The following ZNF283 variants were observed in gnomAD, a reference collection of about 807,000 sequenced individuals.
ZNF283 encodes zinc finger protein 41.
A neutral mutation model predicts 9.2 loss-of-function variants in ZNF283; 10 were observed. That is an observed-to-expected ratio of 1.09 (90% CI 0.67 to 1.85). The LOEUF is 1.85. Among genes scored for constraint, ZNF283 ranks in the 40% most tolerant of loss-of-function variants. ZNF283 has a pLI of 0.00. For synonymous variants in ZNF283, 234 were observed against 244.1 expected, an observed-to-expected ratio of 0.96 and a Z score of 0.38; for missense variants, 631 against 760.1, an observed-to-expected ratio of 0.83 and a Z score of 2.00.
At chr19:43,834,658 C>T (rs780676981) in intron 4 of ZNF283, among the ~76,000 whole-genome samples, 14 of 151,972 alleles carry the variant, frequency 9.2e-5, no homozygotes, top group Admixed American at 2.0e-4. Flanking sequence ...TGCAGCAGCG[C>T]GATCTCGGCT....
chr19:43,829,171 G>A (rs1970594540), intron 2 of ZNF283, among the ~76,000 whole-genome samples: 1 of 152,142 alleles, frequency 6.6e-6, no homozygotes, highest in South Asian at 2.1e-4. Flanking sequence ...GGATCATGAA[G>A]TCAGGAGATC....
intron 6 of ZNF283, among the ~76,000 whole-genome samples, chr19:43,838,290 C>G (rs62118368): frequency 0.37 from 55,595 of 151,928 alleles, 10,582 homozygotes; most frequent in South Asian, 0.55. Context: ...CCCTTTTTCC[C>G]TTCCACAACT....
rs757244444 is a variant in ZNF283 at position 43,850,466 on chromosome 19, C to T, written c.*1825C>T. 4.8e-4 allele frequency: 72 copies of T among 149,614 alleles called. 2 individuals are homozygous for T. Among genetic ancestry groups the T allele is most frequent in the Non-Finnish European group, 3.1e-4 (21 of 67,660 alleles). 9.3% of individuals were successfully genotyped at this position (149,614 alleles called of 1,614,324 possible). On this transcript the variant is annotated 3_prime_UTR_variant, in exon 7 of 7. Transcript: ENST00000618787. Reference sequence around the variant, plus strand: ...CTTTTTTTTTTTTTTGGGACAGGATCTCTCTTTCTGTCACCAAGGCTGGAG... The same window carrying T: ...CTTTTTTTTTTTTTTGGGACAGGATTTCTCTTTCTGTCACCAAGGCTGGAG...
At position 43,847,755 on chromosome 19, in the gene ZNF283, G is replaced by T; in HGVS notation, c.1154G>T (p.Cys385Phe). 6.2e-7 allele frequency: 1 copy of T among 1,613,504 alleles called. No individual in the cohort carries two copies. The highest frequency in any genetic ancestry group is 8.5e-7 in the Non-Finnish European group (1 of 1,179,806). Residue 385 changes from cysteine to phenylalanine, a missense_variant, in exon 7 of 7, where the codon TGT becomes TTT. By Grantham distance (205) the Cys-to-Phe change is radical. Coordinates refer to ENST00000618787, the MANE Select transcript of ZNF283 (RefSeq NM_181845.2). ...TGTAAAATATGTGGAAAGGCTTTTT[G>T]TTGGGGCTATCAACTTACTCGACAT... ...YECKICGKAF[C>F]WGYQLTRHQI...
At chr19:43,839,959 T>C (rs1971133379) in intron 6 of ZNF283, among the ~76,000 whole-genome samples, 1 of 152,182 alleles carries the variant, frequency 6.6e-6, no homozygotes, top group African/African-American at 2.4e-5. Context: ...CCCCATATTT[T>C]CCTGTTTCAC....
intron 6 of ZNF283, among the ~76,000 whole-genome samples, 200 bp from the exon 7 acceptor site, chr19:43,846,739 C>A (rs1971413578): frequency 6.6e-6 from 1 of 152,098 alleles, no homozygotes; most frequent in Non-Finnish European, 1.5e-5. Flanking sequence ...TGGAATCCTC[C>A]AGAAAACTAT....
chr19:43,835,398 G>A, intron 4 of ZNF283, 107 bp from the exon 5 acceptor site: 1 of 731,032 alleles, frequency 1.4e-6, no homozygotes, highest in Admixed American at 2.1e-5. Context: ...TGGTGCGTGG[G>A]GTGTGTAGCA....
chr19:43,844,622 T>C (rs773590417), intron 6 of ZNF283, among the ~76,000 whole-genome samples: 1 of 152,228 alleles, frequency 6.6e-6, no homozygotes, highest in Non-Finnish European at 1.5e-5. Flanking sequence ...AGTTTAGACC[T>C]GTGACCAACT....
Position 43,847,284 on chromosome 19 carries a change from C to T in ZNF283, c.683C>T (p.Thr228Ile). 5 of 1,611,192 alleles carry T rather than the reference C, an allele frequency of 3.1e-6. No homozygotes were observed. The highest frequency in any genetic ancestry group is 4.2e-6 in the Non-Finnish European group (5 of 1,178,892). The change falls in exon 7 of 7, where the codon ACT becomes ATT. Residue 228 changes from threonine (T) to isoleucine (I), a missense_variant. Physicochemically the swap from Thr to Ile is moderately conservative, Grantham distance 89 (BLOSUM62 -1). Around this residue, in one of 3 missense-constraint regions of ZNF283, gnomAD observed 184 missense variants for 220.0 expected, o/e 0.84. Transcript: ENST00000618787. Reference protein sequence around the residue: ...HGSKLVQHERTHTAEKHFECK... With the variant: ...HGSKLVQHERIHTAEKHFECK... ...TCAAAACTTGTTCAACATGAGAGAA[C>T]TCATACAGCTGAAAAACACTTTGAA...
rs201560248 is a variant in ZNF283 at position 43,847,146 on chromosome 19, A to G, written c.545A>G (p.Tyr182Cys). The G allele has an allele frequency of 2.5e-4, 396 of 1,613,570 alleles. 1 individual carries two copies. Among genetic ancestry groups the G allele is most frequent in the Non-Finnish European group, 3.3e-4 (384 of 1,179,666 alleles). The stretch of plus-strand genomic sequence containing the variant: ...TACTTCAGTCAAATGATAATCAGCT[A>G]TGAAAAAATACCTTCTTACAGAAAA... The part of the protein sequence containing the change: ...EGYFSQMIIS[Y>C]EKIPSYRKSK... Residue 182 changes from tyrosine to cysteine, a missense_variant, in exon 7 of 7, where the codon TAT becomes TGT. Tyr to Cys is a radical substitution (Grantham distance 194). This residue lies in a region of ZNF283 where 184 missense variants were observed against 220.0 expected (regional missense o/e 0.84). Transcript: ENST00000618787.
At chr19:43,840,025 G>C (rs1173054967) in intron 6 of ZNF283, among the ~76,000 whole-genome samples, 1 of 151,988 alleles carries the variant, frequency 6.6e-6, no homozygotes, top group Non-Finnish European at 1.5e-5. Flanking sequence ...TTATAATGTG[G>C]TACCTCTGGA....
At chr19:43,843,419 T>C (rs1477557308) in intron 6 of ZNF283, among the ~76,000 whole-genome samples, 1 of 152,222 alleles carries the variant, frequency 6.6e-6, no homozygotes, top group Non-Finnish European at 1.5e-5. Flanking sequence ...TGAAAAACTT[T>C]GTTTGTTCAG....
intron 3 of ZNF283, among the ~76,000 whole-genome samples, chr19:43,832,825 G>C (rs1418207764): frequency 6.6e-6 from 1 of 151,960 alleles, no homozygotes; most frequent in Non-Finnish European, 1.5e-5. Context: ...AGACCAGCCT[G>C]GACAACACAG....
At position 43,847,866 on chromosome 19, in the gene ZNF283, A is replaced by G; in HGVS notation, c.1265A>G (p.Glu422Gly). Residue 422 changes from glutamate (E) to glycine (G), a missense_variant, in exon 7 of 7, where the codon GAA (glutamate) becomes GGA (glycine). By Grantham distance (98) the Glu-to-Gly change is moderately conservative. Transcript: ENST00000618787. Reference protein sequence around the residue: ...FNCGSSLIQHERIHTGEKPYE... With the variant: ...FNCGSSLIQHGRIHTGEKPYE... The stretch of plus-strand genomic sequence containing the variant: ...TGCGGATCAAGTCTTATTCAACATG[A>G]AAGAATTCATACTGGTGAGAAACCT... 2 of 1,613,476 alleles carry G rather than the reference A, an allele frequency of 1.2e-6. No individual in the cohort carries two copies. Among genetic ancestry groups the G allele is most frequent in the Non-Finnish European group, 1.7e-6 (2 of 1,179,870 alleles).
chr19:43,835,540 A>G lies in ZNF283; in HGVS notation c.158A>G (p.Glu53Gly). 6.2e-7 allele frequency: 1 copy of G among 1,611,662 alleles called. No homozygotes were observed. Among genetic ancestry groups the G allele is most frequent in the Non-Finnish European group, 8.5e-7 (1 of 1,178,860 alleles). Residue 53 changes from glutamate (E) to glycine (G), a missense_variant, in exon 5 of 7, where the codon GAG (glutamate) becomes GGG (glycine). Glu to Gly is a moderately conservative substitution (Grantham distance 98). Around this residue, in one of 3 missense-constraint regions of ZNF283, gnomAD observed 184 missense variants for 220.0 expected, o/e 0.84. Transcript: ENST00000618787. ...TCTGGATTCTGTGCTTCACCAATAG[A>G]GGAATCCCATGGAGCATTAATTAGT... is the stretch of plus-strand genomic sequence containing the variant. Reference protein sequence around the residue: ...GFSGFCASPIEESHGALISSC... With the variant: ...GFSGFCASPIGESHGALISSC...
intron 5 of ZNF283, among the ~76,000 whole-genome samples, chr19:43,836,064 A>G (rs187366905): frequency 6.6e-6 from 1 of 152,202 alleles, no homozygotes; most frequent in Non-Finnish European, 1.5e-5. Context: ...GATGATGCCT[A>G]AGGTCTAGAT....
chr19:43,833,428 T>C, intron 3 of ZNF283, 77 bp from the exon 4 acceptor site: 1 of 204,894 alleles, frequency 4.9e-6, no homozygotes, highest in Non-Finnish European at 1.0e-5. Flanking sequence ...GAAATTATTT[T>C]TGGTTGAGTA....
intron 2 of ZNF283, among the ~76,000 whole-genome samples, chr19:43,829,123 C>T (rs1451238533): frequency 2.6e-5 from 4 of 152,184 alleles, no homozygotes; most frequent in Admixed American, 1.3e-4. Flanking sequence ...CAGTGGCTCA[C>T]GCCTGTAATC....
At chr19:43,827,479 G>T (rs959328615) in intron 1 of ZNF283, 35 bp downstream of exon 1, 1 of 152,236 alleles carries the variant, frequency 6.6e-6, no homozygotes, top group South Asian at 2.1e-4. Context: ...TAATCAGCCC[G>T]GGTGAAGCTG....
Sources: allele counts gnomAD v4.1 joint callset (sites outside exome capture counted in the v4.1 genomes callset), GRCh38; gene constraint gnomAD v4.1.1; regional missense constraint gnomAD v4.1.1; transcripts MANE v1.5; gene names NCBI Gene and HGNC (gene_info 2026-07-23, HGNC 2026-07-21).